Variants in MAP3K7CL observed in about 807,000 individuals in gnomAD.
MAP3K7CL encodes the protein MAP3K7 C-terminal like, also known as MAP3K7 C-terminal-like protein.
A neutral mutation model predicts 18.6 loss-of-function variants in MAP3K7CL; 16 were observed. The observed-to-expected ratio is 0.86, with a 90% CI of 0.58 to 1.31. MAP3K7CL has a LOEUF of 1.31. Among genes scored for constraint, MAP3K7CL ranks in the 50% most tolerant of loss-of-function variants. The pLI is 0.00. For synonymous variants in MAP3K7CL, 65 were observed against 66.8 expected (o/e 0.97, Z 0.13); for missense variants, 163 against 174.4 (o/e 0.93, Z 0.37).
intron 3 of MAP3K7CL, among the ~76,000 whole-genome samples, chr21:29,149,860 A>G (rs984025400): frequency 6.6e-6 from 1 of 152,200 alleles, no homozygotes; most frequent in African/African-American, 2.4e-5. Context: ...AATTTTCTTT[A>G]GATTATCCAT....
At chr21:29,126,815 G>A (rs2086689411), upstream of MAP3K7CL, among the ~76,000 whole-genome samples, 1 of 152,042 alleles carries the variant, frequency 6.6e-6, no homozygotes, top group South Asian at 2.1e-4. Flanking sequence ...GCTGACCTCT[G>A]GATATAATGG....
chr21:29,134,755 A>C (rs2086847053), intron 2 of MAP3K7CL, among the ~76,000 whole-genome samples: 1 of 152,086 alleles, frequency 6.6e-6, no homozygotes, highest in Non-Finnish European at 1.5e-5. Context: ...TCTGATCCTT[A>C]AGACAACCAT....
At chr21:29,166,674 T>C (rs57834242) in intron 4 of MAP3K7CL, among the ~76,000 whole-genome samples, 70,835 of 152,118 alleles carry the variant, frequency 0.47, 18,046 homozygotes, top group African/African-American at 0.68. Flanking sequence ...TCTTTTGTGA[T>C]TGGCTTTTTT....
Position 29,092,576 on chromosome 21 carries a change from CT to C in MAP3K7CL, c.366del (p.Leu123TrpfsTer17), listed in dbSNP as rs2086048309. 1 of 1,614,024 alleles carries C rather than the reference CT, an allele frequency of 6.2e-7. No homozygotes were observed. The highest frequency in any genetic ancestry group is 1.3e-5 in the African/African-American group (1 of 75,040). ...GTGCCCGTGGAAATCCCCAGCTCCCCTCTGGGTGAGTATTCCGTCCACTTTC... is the reference window on the plus strand; with the variant it reads ...GTGCCCGTGGAAATCCCCAGCTCCCCCTGGGTGAGTATTCCGTCCACTTTC... On this transcript the variant is annotated frameshift_variant, in exon 4 of 7. Transcript: ENST00000286791. LOFTEE classifies it high-confidence loss of function.
At chr21:29,171,316 G>A (rs765568086) in intron 4 of MAP3K7CL, among the ~76,000 whole-genome samples, 11 of 152,158 alleles carry the variant, frequency 7.2e-5, no homozygotes, top group Admixed American at 3.3e-4. Context: ...GTTTATATGC[G>A]TATCAGTGAT....
chr21:29,158,917 C>CT (rs36003464), intron 3 of MAP3K7CL, among the ~76,000 whole-genome samples: 16,325 of 100,428 alleles, frequency 0.16, 2,640 homozygotes, highest in Non-Finnish European at 0.23. Flanking sequence ...AAAAGTAGTA[C>CT]TTTTTTTTTT....
upstream of MAP3K7CL, chr21:29,085,842 T>C (rs768899583): frequency 4.2e-5 from 68 of 1,613,902 alleles, no homozygotes; most frequent in Admixed American, 6.7e-4. Flanking sequence ...GTTAAATTAC[T>C]GTCATGCAAA....
chr21:29,135,390 CT>C (rs1404173749), intron 2 of MAP3K7CL, among the ~76,000 whole-genome samples: 3 of 152,246 alleles, frequency 2.0e-5, no homozygotes, highest in South Asian at 2.1e-4. Flanking sequence ...AATTTCCTTT[CT>C]TTTTTACTCA....
chr21:29,167,425 A>G (rs2087715735), intron 4 of MAP3K7CL, among the ~76,000 whole-genome samples: 1 of 152,210 alleles, frequency 6.6e-6, no homozygotes, highest in Admixed American at 6.5e-5. Context: ...ACATATCAGG[A>G]TGGGGCAAAA....
intron 3 of MAP3K7CL, among the ~76,000 whole-genome samples, chr21:29,156,682 CTACATGG>C (rs369082529): frequency 5.4e-4 from 83 of 152,296 alleles, no homozygotes; most frequent in African/African-American, 2.0e-3. Context: ...TTATTCCATC[CTACATGG>C]AACAACACAT....
At chr21:29,163,548 C>G (rs915296457) in intron 4 of MAP3K7CL, among the ~76,000 whole-genome samples, 3 of 152,190 alleles carry the variant, frequency 2.0e-5, no homozygotes, top group Non-Finnish European at 2.9e-5. Flanking sequence ...CCTGGGGATG[C>G]CTTGGAACCT....
Position 29,090,220 on chromosome 21 carries a change from A to T in MAP3K7CL, c.58-1281A>T, listed in dbSNP as rs545851548. 5.3e-5 allele frequency among the ~76,000 whole-genome samples: 8 copies of T among 152,330 alleles called. 1 individual carries two copies. Among genetic ancestry groups the T allele is most frequent in the African/African-American group, 1.9e-4 (8 of 41,574 alleles). On this transcript the variant is annotated intron_variant, in intron 1 of 6. Transcript: ENST00000286791. ...TATTTTTATGTCTTTCCATCCACTT[A>T]TGACCAAAAGAGGACACAATGTTTT...
intron 4 of MAP3K7CL, among the ~76,000 whole-genome samples, chr21:29,097,732 T>A (rs2086148274): frequency 6.6e-6 from 1 of 152,184 alleles, no homozygotes; most frequent in South Asian, 2.1e-4. Flanking sequence ...ATAATTTATA[T>A]GATGTTTTTA....
At chr21:29,093,275 T>C (rs906493034) in intron 4 of MAP3K7CL, among the ~76,000 whole-genome samples, 2 of 152,244 alleles carry the variant, frequency 1.3e-5, no homozygotes, top group Admixed American at 1.3e-4. Flanking sequence ...CAGATAGGCT[T>C]CCCTTATTAT....
Position 29,160,045 on chromosome 21 carries a change from T to C in MAP3K7CL, c.237T>C (p.Leu79=). Residue 79 remains leucine, a synonymous_variant, in exon 4 of 5, where the codon CTT becomes CTC. Transcript: ENST00000399928. ...YHEVKKEITL[L]EQRKKELIAK... ...AGGTCAAAAAGGAAATCACCCTGCT[T>C]GAGCAAAGGAAGTAAGTACCTACCC... 1 of 1,613,790 alleles carries C rather than the reference T, an allele frequency of 6.2e-7. No individual in the cohort carries two copies. Among genetic ancestry groups the C allele is most frequent in the Non-Finnish European group, 8.5e-7 (1 of 1,179,768 alleles).
intron 4 of MAP3K7CL, among the ~76,000 whole-genome samples, chr21:29,106,399 C>G (rs1332072495): frequency 6.6e-6 from 1 of 152,124 alleles, no homozygotes; most frequent in Non-Finnish European, 1.5e-5. Context: ...CCAGGCTGGT[C>G]TCGAATCCCT....
At chr21:29,080,727 T>A (rs141382179) in intron 1 of MAP3K7CL, 28 of 152,154 alleles carry the variant, frequency 1.8e-4, no homozygotes, top group African/African-American at 5.1e-4. Flanking sequence ...TTCTGTTACA[T>A]CTGGGACCTA....
intron 4 of MAP3K7CL, among the ~76,000 whole-genome samples, chr21:29,169,270 C>T (rs2087765888): frequency 6.6e-6 from 1 of 152,154 alleles, no homozygotes; most frequent in Non-Finnish European, 1.5e-5. Flanking sequence ...CCTTTGCTTC[C>T]CAATAGATAT....
intron 4 of MAP3K7CL, among the ~76,000 whole-genome samples, chr21:29,123,219 G>A (rs1304938729): frequency 1.3e-5 from 2 of 151,844 alleles, no homozygotes; most frequent in African/African-American, 4.8e-5. Context: ...CCCACCACCA[G>A]GCCTGGCTAA....
Sources: gnomAD v4.1 joint callset for allele counts (sites outside exome capture counted in the v4.1 genomes callset) on GRCh38, gnomAD v4.1.1 for gene constraint, MANE v1.5 for transcripts, NCBI Gene and HGNC (gene_info 2026-07-23, HGNC 2026-07-21) for gene names.